The following SULT2B1 variants were observed in gnomAD, a reference collection of about 807,000 sequenced individuals.
SULT2B1 encodes sulfotransferase 2B1.
In SULT2B1, 16 loss-of-function variants were observed where a neutral mutation model predicts 33.2. The ratio of observed to expected loss-of-function variants is 0.48; its 90% CI spans 0.33 to 0.73. SULT2B1 has a LOEUF of 0.73. SULT2B1 is among the 30% of genes least tolerant of loss of function. SULT2B1 has a pLI of 0.02. For synonymous variants in SULT2B1, 186 were observed against 200.5 expected, an observed-to-expected ratio of 0.93 and a Z score of 0.61; for missense variants, 500 against 506.0, an observed-to-expected ratio of 0.99 and a Z score of 0.11.
At position 48,590,463 on chromosome 19, in the gene SULT2B1, A is replaced by G. The variant is rs367562997; in HGVS notation, c.424-1146A>G. 3.2e-3 allele frequency among the ~76,000 whole-genome samples: 494 copies of G among 152,018 alleles called. 4 individuals are homozygous for G. The highest frequency in any genetic ancestry group is 4.5e-3 in the Non-Finnish European group (305 of 67,978). ...CTAAAAATACAAAAATTAGCCAGGCATGGTGGCACCCACCTGTAGTCCCAG... is the reference window on the plus strand; with the variant it reads ...CTAAAAATACAAAAATTAGCCAGGCGTGGTGGCACCCACCTGTAGTCCCAG... On this transcript the variant is annotated intron_variant, in intron 3 of 6. Coordinates refer to ENST00000201586, the MANE Select transcript of SULT2B1 (RefSeq NM_177973.2).
rs1241573118 is a variant in SULT2B1 at position 48,552,272 on chromosome 19, C to T, written c.20C>T (p.Pro7Leu). The change falls in exon 1 of 7, where the codon CCC (proline) becomes CTC (leucine). Residue 7 changes from proline to leucine, a missense_variant. Physicochemically the swap from Pro to Leu is moderately conservative, Grantham distance 98 (BLOSUM62 -3). Coordinates refer to ENST00000201586, the MANE Select transcript of SULT2B1 (RefSeq NM_177973.2). This position sits in a 1 kb window ranked among gnomAD's most constrained non-coding sequence, Gnocchi z 4.8. ...CCTGCCATGGACGGGCCCGCCGAGCCCCAGATCCCGGGCTTGTGGGACACC... is the reference window on the plus strand; with the variant it reads ...CCTGCCATGGACGGGCCCGCCGAGCTCCAGATCCCGGGCTTGTGGGACACC... MDGPAE[P>L]QIPGLWDTYE... 6.2e-7 allele frequency: 1 copy of T among 1,613,992 alleles called. No individual in the cohort carries two copies. The highest frequency in any genetic ancestry group is 1.3e-5 in the African/African-American group (1 of 75,058).
intron 2 of SULT2B1, among the ~76,000 whole-genome samples, chr19:48,580,822 G>A (rs1973476250): frequency 6.7e-6 from 1 of 149,790 alleles, no homozygotes; most frequent in Non-Finnish European, 1.5e-5. Flanking sequence ...GGTTGGTCTC[G>A]AATGCCTGGG....
chr19:48,584,516 T>C (rs1264653431), intron 2 of SULT2B1, among the ~76,000 whole-genome samples: 3 of 146,428 alleles, frequency 2.0e-5, no homozygotes, highest in Non-Finnish European at 4.5e-5. Context: ...GTTTACAGGG[T>C]CCAGCTCCAA....
chr19:48,561,009 G>A (rs192433656), intron 1 of SULT2B1, among the ~76,000 whole-genome samples: 38 of 152,008 alleles, frequency 2.5e-4, no homozygotes, highest in East Asian at 5.8e-4. Context: ...GTGGGCGCCC[G>A]TAATCCCAGC....
intron 2 of SULT2B1, among the ~76,000 whole-genome samples, chr19:48,577,903 G>A (rs1973436314): frequency 1.3e-5 from 2 of 152,144 alleles, no homozygotes; most frequent in Admixed American, 6.6e-5. Flanking sequence ...ATGATTGGTG[G>A]CAATAAATGC....
At chr19:48,595,244 T>C (rs943602254) in intron 5 of SULT2B1, among the ~76,000 whole-genome samples, 1 of 151,634 alleles carries the variant, frequency 6.6e-6, no homozygotes, top group African/African-American at 2.4e-5. Flanking sequence ...ATCATGCCAT[T>C]GCACTCCAGC....
At chr19:48,587,059 C>A (rs1408775082) in intron 2 of SULT2B1, among the ~76,000 whole-genome samples, 170 bp from the exon 3 acceptor site, 1 of 151,926 alleles carries the variant, frequency 6.6e-6, no homozygotes, top group African/African-American at 2.4e-5. Context: ...TTGCAGTGAG[C>A]CGAGATCGCG....
intron 1 of SULT2B1, among the ~76,000 whole-genome samples, chr19:48,556,847 G>A (rs928483839): frequency 6.6e-6 from 1 of 151,908 alleles, no homozygotes; most frequent in Non-Finnish European, 1.5e-5. Context: ...CTACTCAGGA[G>A]GTTAAGGCAG....
intron 1 of SULT2B1, among the ~76,000 whole-genome samples, chr19:48,572,712 G>T (rs1973346591): frequency 6.6e-6 from 1 of 152,020 alleles, no homozygotes; most frequent in Admixed American, 6.6e-5. Flanking sequence ...CAGAGGAGGG[G>T]CAGCGGAGAA....
intron 2 of SULT2B1, among the ~76,000 whole-genome samples, chr19:48,581,890 A>ATAT (rs71335807): frequency 0.011 from 1,482 of 137,698 alleles, 8 homozygotes; most frequent in Middle Eastern, 0.029. Flanking sequence ...TATTATTATT[A>ATAT]TATTATTATT....
chr19:48,575,941 C>T lies in SULT2B1; in HGVS notation c.72C>T (p.Ser24=), dbSNP rs767109814. The part of the protein sequence containing the change: ...DTYEDDISEI[S]QKLPGEYFRY... The stretch of plus-strand genomic sequence containing the variant: ...TGGCGTCTCCCCCACCTTTCCACAG[C>T]CAGAAGTTGCCAGGTGAATACTTCC... The change falls in exon 2 of 7, where the codon AGC becomes AGT. Residue 24 remains serine (S), a splice_region_variant and synonymous_variant. Transcript: ENST00000201586. The T allele has an allele frequency of 1.2e-5, 20 of 1,611,884 alleles. No individual in the cohort carries two copies. Among genetic ancestry groups the T allele is most frequent in the Non-Finnish European group, 1.6e-5 (19 of 1,178,208 alleles).
intron 1 of SULT2B1, chr19:48,575,408 G>A (rs1222609228): frequency 6.6e-6 from 1 of 150,376 alleles, no homozygotes; most frequent in Non-Finnish European, 1.5e-5. Context: ...AAAGTGCTGG[G>A]ACAACAGGTG....
chr19:48,553,541 T>C (rs112966014), intron 1 of SULT2B1, among the ~76,000 whole-genome samples: 98 of 152,240 alleles, frequency 6.4e-4, no homozygotes, highest in African/African-American at 2.2e-3. Flanking sequence ...TTGAACTCCT[T>C]GCCTCAGGTG....
intron 1 of SULT2B1, among the ~76,000 whole-genome samples, chr19:48,560,724 G>A (rs1973164571): frequency 6.6e-6 from 1 of 152,142 alleles, no homozygotes; most frequent in South Asian, 2.1e-4. Flanking sequence ...ACTTTGGGAA[G>A]CCGAGACGTG....
chr19:48,589,320 GA>G (rs1231938417), intron 3 of SULT2B1, among the ~76,000 whole-genome samples: 3 of 151,730 alleles, frequency 2.0e-5, no homozygotes, highest in Admixed American at 2.0e-4. Context: ...GGGGAGGAGG[GA>G]GGGGAGCAGG....
At chr19:48,593,209 G>A (rs1416189735) in intron 5 of SULT2B1, among the ~76,000 whole-genome samples, 1 of 152,114 alleles carries the variant, frequency 6.6e-6, no homozygotes, top group Non-Finnish European at 1.5e-5. Context: ...GAGCTATGAT[G>A]GTGCCACTGT....
chr19:48,578,911 C>A (rs1312659399), intron 2 of SULT2B1, among the ~76,000 whole-genome samples: 3 of 151,890 alleles, frequency 2.0e-5, no homozygotes, highest in Admixed American at 6.6e-5. Flanking sequence ...AAATAAAGAA[C>A]ATTATCATCA....
At chr19:48,577,375 T>TTTTTTTTG (rs1458650006) in intron 2 of SULT2B1, among the ~76,000 whole-genome samples, 1 of 123,178 alleles carries the variant, frequency 8.1e-6, no homozygotes, top group Non-Finnish European at 1.7e-5. Flanking sequence ...TTTTTTTTTT[T>TTTTTTTTG]TTTTTTTAGA....
intron 2 of SULT2B1, among the ~76,000 whole-genome samples, chr19:48,578,605 G>A (rs1275127246): frequency 6.6e-6 from 1 of 151,792 alleles, no homozygotes; most frequent in East Asian, 1.9e-4. Flanking sequence ...GGCCAGGCAC[G>A]GTGGCTCATG....
Sources: allele counts gnomAD v4.1 joint callset (sites outside exome capture counted in the v4.1 genomes callset), GRCh38; gene constraint gnomAD v4.1.1; non-coding constraint Gnocchi (gnomAD v3.1); transcripts MANE v1.5; gene names NCBI Gene and HGNC (gene_info 2026-07-23, HGNC 2026-07-21).